NDST4: variants seen among roughly 807,000 people sequenced by gnomAD.
NDST4 encodes N-heparan sulfate sulfotransferase 4.
NDST4 carries 63 observed loss-of-function variants against 100.8 expected under a neutral mutation model. The observed-to-expected ratio is 0.62, with a 90% CI of 0.51 to 0.77. NDST4 has a LOEUF of 0.77. NDST4 is among the 30% of genes least tolerant of loss of function. NDST4 has a pLI of 0.00. For synonymous variants in NDST4, 377 were observed against 361.8 expected, an observed-to-expected ratio of 1.04 and a Z score of -0.48; for missense variants, 943 against 1,018.4, an observed-to-expected ratio of 0.93 and a Z score of 1.01.
At chr4:115,021,897 T>C (rs1727836184) in intron 2 of NDST4, among the ~76,000 whole-genome samples, 2 of 147,190 alleles carry the variant, frequency 1.4e-5, no homozygotes, top group South Asian at 2.1e-4. Context: ...TCCACAGCTA[T>C]ACACATTCCA....
rs1293417524 is a variant in NDST4 at position 115,010,110 on chromosome 4, T to C, written c.979-32836A>G. 2.4e-5 allele frequency among the ~76,000 whole-genome samples: 3 copies of C among 125,448 alleles called. 1 individual carries two copies. The highest frequency in any genetic ancestry group is 3.4e-5 in the Non-Finnish European group (2 of 59,294). 82.3% of individuals were successfully genotyped at this position (125,448 alleles called of 152,430 possible). A position where few individuals can be genotyped will look rare whatever the true frequency, so the allele number is the denominator to read the frequency against. On this transcript the variant is annotated intron_variant, in intron 2 of 13. Transcript: ENST00000264363. ...GTGGGACTGTAAACTAGTTCGACCA[T>C]TGTGGAAGTCAGTGTGGCAATTCCT...
chr4:114,983,040 G>T (rs1008621131), intron 2 of NDST4, among the ~76,000 whole-genome samples: 1 of 152,146 alleles, frequency 6.6e-6, no homozygotes, highest in Admixed American at 6.5e-5. Flanking sequence ...GTTGAGATTT[G>T]GGAACCTTCA....
chr4:115,097,710 C>T (rs1268809513), intron 1 of NDST4, among the ~76,000 whole-genome samples: 1 of 152,046 alleles, frequency 6.6e-6, no homozygotes, highest in Non-Finnish European at 1.5e-5. Context: ...AAGGTTATGT[C>T]TCTCCTCTGA....
At chr4:115,016,995 ATGTGTGTGTGTGTG>A (rs140090585) in intron 2 of NDST4, among the ~76,000 whole-genome samples, 2 of 146,236 alleles carry the variant, frequency 1.4e-5, no homozygotes, top group African/African-American at 2.5e-5. Context: ...TCATGTGTGT[ATGTGTGTGTGTGTG>A]TGTGTGTGTG....
intron 6 of NDST4, among the ~76,000 whole-genome samples, chr4:114,873,770 G>A (rs976928594): frequency 2.0e-4 from 31 of 151,970 alleles, no homozygotes; most frequent in African/African-American, 7.2e-4. Context: ...GAAATAAGAC[G>A]GTGTAAGTAG....
chr4:114,940,836 C>T (rs1289494932), intron 4 of NDST4, among the ~76,000 whole-genome samples: 2 of 152,184 alleles, frequency 1.3e-5, no homozygotes, highest in Admixed American at 1.3e-4. Flanking sequence ...TGAAGTCAAG[C>T]TGCTACCCTC....
intron 6 of NDST4, among the ~76,000 whole-genome samples, chr4:114,892,309 G>T (rs897890631): frequency 6.6e-6 from 1 of 152,000 alleles, no homozygotes; most frequent in East Asian, 1.9e-4. Context: ...TGTGCTTTTA[G>T]CTTGCTTATA....
At chr4:114,983,657 G>A (rs1726831734) in intron 2 of NDST4, among the ~76,000 whole-genome samples, 1 of 152,168 alleles carries the variant, frequency 6.6e-6, no homozygotes, top group Admixed American at 6.5e-5. Flanking sequence ...AGACTTTTGG[G>A]TTAATGCTGG....
At chr4:114,850,091 G>C (rs1723640906) in intron 8 of NDST4, among the ~76,000 whole-genome samples, 1 of 152,016 alleles carries the variant, frequency 6.6e-6, no homozygotes. Flanking sequence ...AAGGGGGGTG[G>C]AGAGAAAGAT....
intron 3 of NDST4, among the ~76,000 whole-genome samples, chr4:114,976,203 T>C (rs967456694): frequency 6.6e-6 from 1 of 152,098 alleles, no homozygotes; most frequent in African/African-American, 2.4e-5. Flanking sequence ...TTGAATAGAA[T>C]ATTTTAATAA....
At chr4:114,921,614 T>C (rs541745417) in intron 6 of NDST4, among the ~76,000 whole-genome samples, 12 of 152,150 alleles carry the variant, frequency 7.9e-5, no homozygotes, top group Non-Finnish European at 1.8e-4. Context: ...ACTGTTTGTG[T>C]AAAACAGTAA....
chr4:114,948,856 A>G (rs6815981), intron 4 of NDST4, among the ~76,000 whole-genome samples: 97,937 of 151,838 alleles, frequency 0.65, 31,822 homozygotes, highest in Non-Finnish European at 0.69. Flanking sequence ...AAAGGACACC[A>G]TCATACTAAA....
At position 114,937,390 on chromosome 4, in the gene NDST4, G is replaced by A. The variant is rs1725652254; in HGVS notation, c.1335C>T (p.Val445=). 6.2e-7 allele frequency: 1 copy of A among 1,614,124 alleles called. No individual in the cohort carries two copies. Among genetic ancestry groups the A allele is most frequent in the Non-Finnish European group, 8.5e-7 (1 of 1,179,992 alleles). Residue 445 remains valine, a synonymous_variant, in exon 5 of 14, where the codon GTC becomes GTT. Coordinates refer to ENST00000264363, the MANE Select transcript of NDST4 (RefSeq NM_022569.3). The part of the protein sequence containing the change: ...AAWKKVWGIQ[V]TSTEEYPHLK... ...GATGTGGATATTCTTCAGTGCTGGT[G>A]ACTTGAATACCCCAGACCTTCTTCC...
At chr4:114,936,788 T>C (rs1048530266) in intron 5 of NDST4, among the ~76,000 whole-genome samples, 5 of 152,284 alleles carry the variant, frequency 3.3e-5, no homozygotes, top group Admixed American at 6.5e-5. Context: ...TTTTGGAATA[T>C]GCAAGGAAAA....
At chr4:115,034,283 C>T (rs1355181225) in intron 2 of NDST4, among the ~76,000 whole-genome samples, 3 of 152,014 alleles carry the variant, frequency 2.0e-5, no homozygotes, top group African/African-American at 4.8e-5. Flanking sequence ...CCAAGTGCAG[C>T]CCCCATCTGC....
chr4:114,962,254 G>A (rs549232053), intron 4 of NDST4, among the ~76,000 whole-genome samples: 2 of 152,088 alleles, frequency 1.3e-5, no homozygotes, highest in East Asian at 3.9e-4. Flanking sequence ...CATAAAACAA[G>A]GATATTTGTT....
chr4:114,959,512 G>A (rs1408234536), intron 4 of NDST4, among the ~76,000 whole-genome samples: 1 of 152,136 alleles, frequency 6.6e-6, no homozygotes, highest in Non-Finnish European at 1.5e-5. Flanking sequence ...GGGCATATGA[G>A]ACTTATTCAC....
chr4:114,864,993 C>T (rs1420491782), intron 7 of NDST4, among the ~76,000 whole-genome samples: 1 of 152,180 alleles, frequency 6.6e-6, no homozygotes, highest in Non-Finnish European at 1.5e-5. Flanking sequence ...CTGGTATTTT[C>T]CCATGAGGTA....
At chr4:115,001,832 A>T (rs1029842797) in intron 2 of NDST4, among the ~76,000 whole-genome samples, 1 of 152,146 alleles carries the variant, frequency 6.6e-6, no homozygotes, top group Non-Finnish European at 1.5e-5. Context: ...ATTTGTTTTC[A>T]TATTCACTGT....
Sources: gnomAD v4.1 joint callset for allele counts (sites outside exome capture counted in the v4.1 genomes callset) on GRCh38, gnomAD v4.1.1 for gene constraint, MANE v1.5 for transcripts, NCBI Gene and HGNC (gene_info 2026-07-23, HGNC 2026-07-21) for gene names.